Variants in USP6NL observed in about 807,000 individuals in gnomAD.
USP6NL encodes the protein USP6 N-terminal like, also known as USP6 N-terminal-like protein.
A neutral mutation model predicts 61.9 loss-of-function variants in USP6NL; 26 were observed. That is an observed-to-expected ratio of 0.42 (90% CI 0.31 to 0.58). The LOEUF (loss-of-function observed/expected upper bound fraction) is 0.58. Among genes scored for constraint, USP6NL ranks in the 20% least tolerant of loss-of-function variants. USP6NL has a pLI of 0.16. For missense variants in USP6NL, 1,114 were observed against 1,034.3 expected, an observed-to-expected ratio of 1.08 and a Z score of -1.06; for synonymous variants, 432 against 390.1, an observed-to-expected ratio of 1.11 and a Z score of -1.27.
intron 2 of USP6NL, among the ~76,000 whole-genome samples, chr10:11,584,114 C>T (rs1028989971): frequency 2.0e-5 from 3 of 151,844 alleles, no homozygotes; most frequent in African/African-American, 7.3e-5. Context: ...ATTCAGGAGG[C>T]TGAGGTGGGA....
chr10:11,581,323 T>C (rs548597676), intron 2 of USP6NL, among the ~76,000 whole-genome samples: 114 of 152,354 alleles, frequency 7.5e-4, no homozygotes, highest in African/African-American at 2.7e-3. Flanking sequence ...AACTAACGTG[T>C]TTTCACACTT....
Position 11,489,156 on chromosome 10 carries a change from C to T in USP6NL, c.610G>A (p.Asp204Asn). Residue 204 changes from aspartate to asparagine, a missense_variant, in exon 10 of 15, where the codon GAT becomes AAT. By Grantham distance (23) the Asp-to-Asn change is conservative (BLOSUM62 1). Coordinates refer to ENST00000609104, the MANE Select transcript of USP6NL (RefSeq NM_014688.5). The surrounding 1 kb of genome is among the most constrained non-coding windows in gnomAD (Gnocchi z 5.7). ...ALLLMYMNEE[D>N]AFWALVKLFS... ...AGTTTGACCAGGGCCCAGAAGGCAT[C>T]TTCCTCGTTCATATACATGAGGAGT... 1 of 1,614,002 alleles carries T rather than the reference C, an allele frequency of 6.2e-7. No individual in the cohort carries two copies. Among genetic ancestry groups the T allele is most frequent in the Non-Finnish European group, 8.5e-7 (1 of 1,179,868 alleles).
At chr10:11,471,417 G>C (rs1202513043) in intron 14 of USP6NL, among the ~76,000 whole-genome samples, 2 of 152,166 alleles carry the variant, frequency 1.3e-5, no homozygotes, top group Admixed American at 1.3e-4. Flanking sequence ...AGTCAGTGTG[G>C]CGATTCCTCA....
chr10:11,577,087 T>C (rs78207561), intron 2 of USP6NL, among the ~76,000 whole-genome samples: 6 of 150,676 alleles, frequency 4.0e-5, no homozygotes, highest in African/African-American at 1.5e-4. Context: ...CGATGGAGTC[T>C]GGCTCTGTCA....
rs1838323299 is a variant in USP6NL at position 11,596,276 on chromosome 10, T to C, written c.4+1355A>G. ...ACCATCTTCACTAGAGTTAGCACTTTACATTAGATAAACTTTCTCACAAAA... is the reference window on the plus strand; with the variant it reads ...ACCATCTTCACTAGAGTTAGCACTTCACATTAGATAAACTTTCTCACAAAA... On this transcript the variant is annotated intron_variant, in intron 2 of 14. Coordinates refer to ENST00000609104, the MANE Select transcript of USP6NL (RefSeq NM_014688.5). The surrounding 1 kb of genome is among the most constrained non-coding windows in gnomAD (Gnocchi z 4.1). 6.6e-6 allele frequency among the ~76,000 whole-genome samples: 1 copy of C among 152,230 alleles called. No homozygotes were observed. The highest frequency in any genetic ancestry group is 1.5e-5 in the Non-Finnish European group (1 of 68,034).
chr10:11,601,749 C>T (rs1838539028), intron 1 of USP6NL, among the ~76,000 whole-genome samples: 1 of 152,146 alleles, frequency 6.6e-6, no homozygotes, highest in Non-Finnish European at 1.5e-5. Flanking sequence ...GATAGCCATT[C>T]CAACACAAAT....
chr10:11,505,563 A>G (rs975608454), intron 6 of USP6NL, among the ~76,000 whole-genome samples: 1 of 152,236 alleles, frequency 6.6e-6, no homozygotes, highest in Non-Finnish European at 1.5e-5. Flanking sequence ...TCAGTATTCC[A>G]ATTTGAAAAG....
At chr10:11,594,085 G>A (rs1258134019) in intron 2 of USP6NL, among the ~76,000 whole-genome samples, 1 of 152,008 alleles carries the variant, frequency 6.6e-6, no homozygotes, top group Non-Finnish European at 1.5e-5. Flanking sequence ...TTTTTAGCCT[G>A]TACCACATAT....
chr10:11,462,488 A>G lies in USP6NL; in HGVS notation c.2440T>C (p.Tyr814His). Reference sequence around the variant, plus strand: ...ATGGAAAGCCCGTCCCGATTCCTGTAGTGGTAGGCTGGAGGCGGGGGCCCT... The same window carrying G: ...ATGGAAAGCCCGTCCCGATTCCTGTGGTGGTAGGCTGGAGGCGGGGGCCCT... Reference protein sequence around the residue: ...YSGPPPPAYHYRNRDGLSIQE... With the variant: ...YSGPPPPAYHHRNRDGLSIQE... The change falls in exon 15 of 15, where the codon TAC (tyrosine) becomes CAC (histidine). Residue 814 changes from tyrosine to histidine, a missense_variant. By Grantham distance (83) the Tyr-to-His change is moderately conservative. Coordinates refer to ENST00000609104, the MANE Select transcript of USP6NL (RefSeq NM_014688.5). 6.2e-7 allele frequency: 1 copy of G among 1,613,994 alleles called. No individual in the cohort carries two copies.
At chr10:11,544,544 G>A (rs574121882) in intron 2 of USP6NL, among the ~76,000 whole-genome samples, 4 of 151,894 alleles carry the variant, frequency 2.6e-5, no homozygotes, top group Non-Finnish European at 4.4e-5. Context: ...CTGGAGTGCA[G>A]TTGCACGATC....
chr10:11,577,559 G>C (rs1361773553), intron 2 of USP6NL, among the ~76,000 whole-genome samples: 1 of 152,084 alleles, frequency 6.6e-6, no homozygotes, highest in Admixed American at 6.5e-5. Context: ...GGAGTGCAAT[G>C]GCGCAATCTC....
rs1332683220 is a variant in USP6NL at position 11,510,132 on chromosome 10, T to C, written c.196-457A>G. On this transcript the variant is annotated intron_variant, in intron 5 of 14. Transcript: ENST00000609104. The surrounding 1 kb of genome is among the most constrained non-coding windows in gnomAD (Gnocchi z 4.8). ...TTTAATGGAAAGATTAATGTGTAAG[T>C]AGCCTTATGCTAGAGGGAAACTATT... Among the ~76,000 whole-genome samples, 1 of 152,166 alleles carries C rather than the reference T, an allele frequency of 6.6e-6. No individual in the cohort carries two copies. Among genetic ancestry groups the C allele is most frequent in the Non-Finnish European group, 1.5e-5 (1 of 68,038 alleles).
At chr10:11,543,693 T>TA (rs1836157532) in intron 2 of USP6NL, among the ~76,000 whole-genome samples, 1 of 150,098 alleles carries the variant, frequency 6.7e-6, no homozygotes, top group South Asian at 2.1e-4. Flanking sequence ...TTCCAGATAT[T>TA]AAAAGAAACA....
At chr10:11,522,785 T>G (rs978838349) in intron 4 of USP6NL, among the ~76,000 whole-genome samples, 4 of 152,250 alleles carry the variant, frequency 2.6e-5, no homozygotes. Context: ...TTAAATTTCT[T>G]TCTAGGCATT....
rs1318617568 is a variant in USP6NL, at chr10:11,470,484, G to A, written c.1079-6635C>T. 6.6e-6 allele frequency among the ~76,000 whole-genome samples: 1 copy of A among 152,170 alleles called. No homozygotes were observed. The highest frequency in any genetic ancestry group is 2.4e-5 in the African/African-American group (1 of 41,438). On this transcript the variant is annotated intron_variant, in intron 14 of 14. Transcript: ENST00000609104. This position sits in a 1 kb window ranked among gnomAD's most constrained non-coding sequence, Gnocchi z 5.4. ...ACTGAAAACACATCATGCAGACCCTGTAAGAAGGACGAATGCCATCACCAG... is the reference window on the plus strand; with the variant it reads ...ACTGAAAACACATCATGCAGACCCTATAAGAAGGACGAATGCCATCACCAG...
rs1835042219 is a variant in USP6NL, at chr10:11,518,297, T to TC, written c.195+237dup. Among the ~76,000 whole-genome samples, 1 of 152,188 alleles carries TC rather than the reference T, an allele frequency of 6.6e-6. No individual in the cohort carries two copies. Among genetic ancestry groups the TC allele is most frequent in the Non-Finnish European group, 1.5e-5 (1 of 68,026 alleles). On this transcript the variant is annotated intron_variant, in intron 5 of 14. Coordinates refer to ENST00000609104, the MANE Select transcript of USP6NL (RefSeq NM_014688.5). This position sits in a 1 kb window ranked among gnomAD's most constrained non-coding sequence, Gnocchi z 5.3. The stretch of plus-strand genomic sequence containing the variant: ...CTCTCTGTTCTGAAGCACGCCTAGC[T>TC]CAGGACCTGCCAGTCTAGAATGAAG...
chr10:11,480,081 TATC>T (rs1434369784), intron 14 of USP6NL, among the ~76,000 whole-genome samples: 1 of 152,242 alleles, frequency 6.6e-6, no homozygotes, highest in Non-Finnish European at 1.5e-5. Flanking sequence ...ATGATTCTGC[TATC>T]ATTTATTCCT....
intron 14 of USP6NL, among the ~76,000 whole-genome samples, chr10:11,480,767 C>T (rs1003598842): frequency 1.3e-5 from 2 of 152,212 alleles, no homozygotes; most frequent in African/African-American, 4.8e-5. Context: ...GATGGGGAAA[C>T]GCCAAATTCA....
rs1835524455 is a variant in USP6NL at position 11,528,738 on chromosome 10, A to C, written c.5-1171T>G. 6.6e-6 allele frequency among the ~76,000 whole-genome samples: 1 copy of C among 152,164 alleles called. No homozygotes were observed. The highest frequency in any genetic ancestry group is 6.5e-5 in the Admixed American group (1 of 15,272). On this transcript the variant is annotated intron_variant, in intron 2 of 14. Coordinates refer to ENST00000609104, the MANE Select transcript of USP6NL (RefSeq NM_014688.5). This position sits in a 1 kb window ranked among gnomAD's most constrained non-coding sequence, Gnocchi z 4.6. The stretch of plus-strand genomic sequence containing the variant: ...ATGCTTTTACCTCCATTTCCCCTAA[A>C]ACCCCACTAAAATAGCAACTATAGG...
Sources: allele counts gnomAD v4.1 joint callset (sites outside exome capture counted in the v4.1 genomes callset), GRCh38; gene constraint gnomAD v4.1.1; non-coding constraint Gnocchi (gnomAD v3.1); transcripts MANE v1.5; gene names NCBI Gene and HGNC (gene_info 2026-07-23, HGNC 2026-07-21).